LRRC4C: variants seen among roughly 807,000 people sequenced by gnomAD.
LRRC4C encodes leucine-rich repeat-containing protein 4C.
A neutral mutation model predicts 33.6 loss-of-function variants in LRRC4C; 5 were observed. The observed-to-expected ratio is 0.15, with a 90% CI of 0.08 to 0.31. LRRC4C has a LOEUF of 0.31. Among genes scored for constraint, LRRC4C ranks in the 10% least tolerant of loss-of-function variants. LRRC4C has a pLI of 1.00. For synonymous variants in LRRC4C, 329 were observed against 302.0 expected (o/e 1.09, Z -0.93); for missense variants, 560 against 796.7 (o/e 0.70, Z 3.58).
chr11:40,334,494 T>C (rs1325646440), intron 3 of LRRC4C, among the ~76,000 whole-genome samples: 4 of 152,178 alleles, frequency 2.6e-5, no homozygotes, highest in Admixed American at 2.6e-4. Flanking sequence ...GGGAAGAAGG[T>C]AATTACATTT....
In LRRC4C at chr11:41,455,681, C is replaced by T. The variant is rs549519088; in HGVS notation, c.-496+3750G>A. On this transcript the variant is annotated intron_variant, in intron 1 of 6. Transcript: ENST00000528697. The stretch of plus-strand genomic sequence containing the variant: ...ATACATAAAGTCATCATTACTGTAA[C>T]ACATTACATTTCTACATAAGTGTAT... 3.3e-5 allele frequency among the ~76,000 whole-genome samples: 5 copies of T among 152,248 alleles called. No homozygotes were observed. The East Asian group carries it at 9.6e-4, about 29-fold the overall frequency.
At chr11:40,188,557 T>C (rs1488548448) in intron 5 of LRRC4C, among the ~76,000 whole-genome samples, 1 of 152,244 alleles carries the variant, frequency 6.6e-6, no homozygotes, top group Non-Finnish European at 1.5e-5. Flanking sequence ...TTCATTGTTA[T>C]CATTTTTATG....
chr11:40,656,106 C>T (rs1943096662), intron 2 of LRRC4C, among the ~76,000 whole-genome samples: 2 of 152,056 alleles, frequency 1.3e-5, no homozygotes, highest in African/African-American at 4.8e-5. Flanking sequence ...GACACAGAGC[C>T]AAACCATATC....
At chr11:40,999,730 A>C (rs1176955883) in intron 1 of LRRC4C, among the ~76,000 whole-genome samples, 1 of 152,198 alleles carries the variant, frequency 6.6e-6, no homozygotes, top group South Asian at 2.1e-4. Context: ...ACACATGGCA[A>C]CAAGCAATGA....
At chr11:40,573,723 A>G in intron 3 of LRRC4C, among the ~76,000 whole-genome samples, 1 of 152,204 alleles carries the variant, frequency 6.6e-6, no homozygotes, top group East Asian at 1.9e-4. Context: ...TTGGCAATAA[A>G]TGTATCCTAG....
At chr11:41,395,420 G>A (rs1329453919) in intron 1 of LRRC4C, among the ~76,000 whole-genome samples, 1 of 151,934 alleles carries the variant, frequency 6.6e-6, no homozygotes, top group African/African-American at 2.4e-5. Flanking sequence ...ATGCCAGCCA[G>A]CTATTAAATA....
chr11:41,080,545 G>A (rs1939497566), intron 1 of LRRC4C, among the ~76,000 whole-genome samples: 1 of 151,888 alleles, frequency 6.6e-6, no homozygotes, highest in Admixed American at 6.6e-5. Context: ...TAGAGACGGA[G>A]TTTCTCCATG....
chr11:40,623,593 G>C, intron 3 of LRRC4C, among the ~76,000 whole-genome samples: 1 of 151,988 alleles, frequency 6.6e-6, no homozygotes, highest in East Asian at 1.9e-4. Flanking sequence ...AAGCATAAAG[G>C]ATTTATTTCT....
intron 1 of LRRC4C, among the ~76,000 whole-genome samples, chr11:41,113,390 A>G (rs1941951181): frequency 1.3e-5 from 2 of 151,980 alleles, no homozygotes; most frequent in African/African-American, 2.4e-5. Flanking sequence ...CCGGGCTGTG[A>G]GTTTACATTA....
intron 3 of LRRC4C, among the ~76,000 whole-genome samples, chr11:40,423,869 GTGTAT>G (rs1950617997): frequency 6.6e-6 from 1 of 152,144 alleles, no homozygotes; most frequent in Non-Finnish European, 1.5e-5. Context: ...TTGGAATAAA[GTGTAT>G]TGTATATTTC....
chr11:41,361,198 C>T (rs1263422994), intron 1 of LRRC4C, among the ~76,000 whole-genome samples: 1 of 152,162 alleles, frequency 6.6e-6, no homozygotes. Context: ...TAATGTTTCT[C>T]CAGGTCACTG....
At chr11:40,210,200 G>A (rs567420105) in intron 5 of LRRC4C, among the ~76,000 whole-genome samples, 44 of 151,898 alleles carry the variant, frequency 2.9e-4, no homozygotes, top group South Asian at 1.5e-3. Context: ...CCCAGGAGGC[G>A]GAGCTTGCAG....
At chr11:41,057,326 G>T (rs551527702) in intron 1 of LRRC4C, among the ~76,000 whole-genome samples, 33 of 152,294 alleles carry the variant, frequency 2.2e-4, no homozygotes, top group Admixed American at 1.4e-3. Context: ...CAAACTTTGG[G>T]CACTGATAAG....
intron 1 of LRRC4C, among the ~76,000 whole-genome samples, chr11:41,051,520 C>CAAAAAA (rs530003573): frequency 0.045 from 2,683 of 60,190 alleles, 444 homozygotes; most frequent in Non-Finnish European, 0.056. Context: ...GGTCTCAAGG[C>CAAAAAA]AAAAAAAAAA....
intron 1 of LRRC4C, among the ~76,000 whole-genome samples, chr11:40,963,143 C>A (rs1173874190): frequency 6.6e-6 from 1 of 151,612 alleles, no homozygotes; most frequent in Non-Finnish European, 1.5e-5. Context: ...TTCAAGTGCA[C>A]ACTATTATTT....
intron 3 of LRRC4C, among the ~76,000 whole-genome samples, chr11:40,396,517 A>T (rs542104531): frequency 4.1e-4 from 63 of 152,246 alleles, no homozygotes; most frequent in African/African-American, 1.5e-3. Context: ...TTTGGAGTGG[A>T]TAAGAGAGAG....
At chr11:41,369,813 A>G (rs1371977255) in intron 1 of LRRC4C, among the ~76,000 whole-genome samples, 2 of 152,098 alleles carry the variant, frequency 1.3e-5, no homozygotes, top group East Asian at 3.9e-4. Context: ...GCATAATTTC[A>G]TTTGCTCTTT....
rs115602391 is a variant in LRRC4C, at chr11:40,810,842, A to G, written c.-407+122793T>C. On this transcript the variant is annotated intron_variant, in intron 2 of 6. Coordinates refer to ENST00000528697, the MANE Select transcript of LRRC4C (RefSeq NM_001258419.2). ...GTTCACTACTGGGGCCTGCTAAATG[A>G]TCTGCCTGTACCCACATAACCCTTT... 5.0e-3 allele frequency among the ~76,000 whole-genome samples: 762 copies of G among 152,298 alleles called. 5 individuals carry two copies. Among genetic ancestry groups the G allele is most frequent in the African/African-American group, 0.017 (694 of 41,568 alleles).
At chr11:40,390,131 T>C (rs1052711171) in intron 3 of LRRC4C, among the ~76,000 whole-genome samples, 1 of 152,120 alleles carries the variant, frequency 6.6e-6, no homozygotes, top group Admixed American at 6.6e-5. Context: ...TGTTGAAAAA[T>C]CAAAACACAT....
Sources: allele counts gnomAD v4.1 joint callset (sites outside exome capture counted in the v4.1 genomes callset), GRCh38; gene constraint gnomAD v4.1.1; transcripts MANE v1.5; gene names NCBI Gene and HGNC (gene_info 2026-07-23, HGNC 2026-07-21).